ZMYND11: variants seen among roughly 807,000 people sequenced by gnomAD.
The protein encoded by ZMYND11 is zinc finger MYND-type containing 11, also known as zinc finger MYND domain-containing protein 11.
ZMYND11 carries 9 observed loss-of-function variants against 84.9 expected under a neutral mutation model. The observed-to-expected ratio is 0.11, with a 90% CI of 0.06 to 0.18. ZMYND11 has a LOEUF of 0.18. Among genes scored for constraint, ZMYND11 ranks in the 10% least tolerant of loss-of-function variants. The pLI is 1.00. For synonymous variants in ZMYND11, 250 were observed against 244.1 expected (o/e 1.02, Z -0.23); for missense variants, 409 against 761.0 (o/e 0.54, Z 5.44).
At chr10:165,234 T>C (rs1843721071) in intron 1 of ZMYND11, among the ~76,000 whole-genome samples, 1 of 152,156 alleles carries the variant, frequency 6.6e-6, no homozygotes, top group African/African-American at 2.4e-5. Flanking sequence ...TTTTCAGTTC[T>C]TTCTGCTTTT....
intron 6 of ZMYND11, among the ~76,000 whole-genome samples, chr10:237,988 A>G (rs1449802282): frequency 3.3e-5 from 5 of 152,228 alleles, no homozygotes; most frequent in Non-Finnish European, 1.5e-5. Flanking sequence ...TTAGCATTTC[A>G]GATGTAAAGA....
intron 2 of ZMYND11, among the ~76,000 whole-genome samples, chr10:184,685 T>C (rs12779173): frequency 0.067 from 10,161 of 152,294 alleles, 479 homozygotes; most frequent in Non-Finnish European, 0.096. Flanking sequence ...TTTCTGACCA[T>C]CAGGGTGTCA....
At chr10:181,975 A>G (rs1213993802) in intron 2 of ZMYND11, among the ~76,000 whole-genome samples, 2 of 152,200 alleles carry the variant, frequency 1.3e-5, no homozygotes, top group African/African-American at 2.4e-5. Context: ...CTTTACATAA[A>G]AATTGCTTAG....
intron 12 of ZMYND11, among the ~76,000 whole-genome samples, chr10:247,959 A>G (rs937162283): frequency 1.3e-5 from 2 of 152,236 alleles, no homozygotes; most frequent in Non-Finnish European, 2.9e-5. Context: ...GATTTGAGGA[A>G]ATGTGTTAAT....
intron 2 of ZMYND11, among the ~76,000 whole-genome samples, chr10:190,420 C>T (rs377298117): frequency 2.0e-4 from 31 of 152,310 alleles, no homozygotes; most frequent in East Asian, 1.2e-3. Context: ...CCTTAGGCTC[C>T]GGCTGGGCTC....
chr10:133,591 T>C (rs1588308205), upstream of ZMYND11, among the ~76,000 whole-genome samples: 2 of 152,218 alleles, frequency 1.3e-5, no homozygotes, highest in East Asian at 3.8e-4. Context: ...ATTGATACGA[T>C]GTTGTCTTAC....
intron 1 of ZMYND11, among the ~76,000 whole-genome samples, chr10:144,049 T>C (rs1444983537): frequency 2.6e-5 from 4 of 152,162 alleles, no homozygotes; most frequent in African/African-American, 9.7e-5. Flanking sequence ...TGAAAGTTTT[T>C]TTTTAATATT....
intron 4 of ZMYND11, among the ~76,000 whole-genome samples, chr10:234,011 G>A (rs1486869596): frequency 6.6e-6 from 1 of 152,128 alleles, no homozygotes; most frequent in African/African-American, 2.4e-5. Context: ...TATTTAAACT[G>A]GGTAATTACA....
At chr10:237,153 G>C (rs1021637725) in intron 5 of ZMYND11, among the ~76,000 whole-genome samples, 1 of 152,112 alleles carries the variant, frequency 6.6e-6, no homozygotes, top group African/African-American at 2.4e-5. Context: ...CATGAGATTA[G>C]AAACATTTAC....
At chr10:204,971 T>G (rs1943873204) in intron 2 of ZMYND11, among the ~76,000 whole-genome samples, 1 of 152,148 alleles carries the variant, frequency 6.6e-6, no homozygotes, top group East Asian at 1.9e-4. Flanking sequence ...TTGTCTATGC[T>G]GTTTTGTGGG....
At position 189,532 on chromosome 10, in the gene ZMYND11, A is replaced by G. The variant is rs552870211; in HGVS notation, c.116+9404A>G. ...TCCATCTATATTGATTGTTTCTTAC[A>G]TATCTTATTATGAAACCAGATTGGC... On this transcript the variant is annotated intron_variant, in intron 2 of 14. Transcript: ENST00000381604. 5.9e-5 allele frequency among the ~76,000 whole-genome samples: 9 copies of G among 152,328 alleles called. No individual in the cohort carries two copies. In the South Asian group the frequency reaches 6.2e-4, roughly 11 times the overall value.
intron 14 of ZMYND11, chr10:249,845 G>C (rs1165603858): frequency 1.1e-6 from 1 of 872,744 alleles, no homozygotes. Flanking sequence ...AGCTTTTCAT[G>C]AAAGAAATAT....
rs1038495048 is a variant in ZMYND11, at chr10:240,552, G to A, written c.754-341G>A. Among the ~76,000 whole-genome samples the A allele has an allele frequency of 2.0e-5, 3 of 152,096 alleles. No individual in the cohort carries two copies. In the South Asian group the frequency reaches 6.2e-4, roughly 32 times the overall value. On this transcript the variant is annotated intron_variant, in intron 8 of 14. Transcript: ENST00000381604. ...TATTTTCATGTTTGACATACATGAG[G>A]CAAAGGTAAGGACTGCTGTGATTGG...
chr10:228,189 C>G (rs1391213855), intron 4 of ZMYND11, among the ~76,000 whole-genome samples: 1 of 151,786 alleles, frequency 6.6e-6, no homozygotes, highest in Non-Finnish European at 1.5e-5. Flanking sequence ...TTATCTAGGC[C>G]CAAAGAAGAA....
Position 246,910 on chromosome 10 carries a change from TAAG to T in ZMYND11, c.1098_1100del (p.Lys366del). On this transcript the variant is annotated inframe_deletion, in exon 11 of 15. Coordinates refer to ENST00000381604, the MANE Select transcript of ZMYND11 (RefSeq NM_001370100.5). ...TACGAGAAGGGAGATTTTGGAAATC[TAAG>T]AATGAGGACCGAGGTGAGGAAGAGG... 3.7e-6 allele frequency: 6 copies of T among 1,613,394 alleles called. No homozygotes were observed. Among genetic ancestry groups the T allele is most frequent in the Non-Finnish European group, 5.1e-6 (6 of 1,179,772 alleles).
intron 3 of ZMYND11, among the ~76,000 whole-genome samples, chr10:218,742 T>G (rs1933373327): frequency 6.6e-6 from 1 of 152,230 alleles, no homozygotes; most frequent in Middle Eastern, 3.2e-3. Flanking sequence ...GAGTAGCTAA[T>G]GACATCTGGG....
intron 2 of ZMYND11, among the ~76,000 whole-genome samples, chr10:195,886 A>G (rs1218483491): frequency 6.6e-6 from 1 of 152,220 alleles, no homozygotes; most frequent in Non-Finnish European, 1.5e-5. Flanking sequence ...ATTTCTAAAT[A>G]GAAAAATTTA....
At chr10:208,671 C>G (rs537987795) in intron 2 of ZMYND11, among the ~76,000 whole-genome samples, 2 of 152,114 alleles carry the variant, frequency 1.3e-5, no homozygotes, top group Non-Finnish European at 2.9e-5. Flanking sequence ...ATTGCTTGTT[C>G]TGTCAATGCA....
upstream of ZMYND11, among the ~76,000 whole-genome samples, chr10:132,919 G>A (rs551790711): frequency 6.6e-6 from 1 of 152,188 alleles, no homozygotes. Flanking sequence ...GAATCAAGAA[G>A]TAAAAATCTG....
Sources: gnomAD v4.1 joint callset for allele counts (sites outside exome capture counted in the v4.1 genomes callset) on GRCh38, gnomAD v4.1.1 for gene constraint, MANE v1.5 for transcripts, NCBI Gene and HGNC (gene_info 2026-07-23, HGNC 2026-07-21) for gene names.